The following DEPDC7 variants were observed in gnomAD, a reference collection of about 807,000 sequenced individuals.
DEPDC7 encodes DEP domain containing 7.
DEPDC7 carries 41 observed loss-of-function variants against 56.6 expected under a neutral mutation model. That is an observed-to-expected ratio of 0.72 (90% CI 0.56 to 0.94). The LOEUF (loss-of-function observed/expected upper bound fraction) is 0.94. DEPDC7 is among the 40% of genes least tolerant of loss of function. The pLI, the probability that DEPDC7 is intolerant of heterozygous loss-of-function variation, is 0.00. For missense variants in DEPDC7, 522 were observed against 596.3 expected (o/e 0.88, Z 1.30); for synonymous variants, 185 against 208.8 (o/e 0.89, Z 0.98).
chr11:33,028,811 A>C lies in DEPDC7; in HGVS notation c.782+19A>C, dbSNP rs1186130033. The stretch of plus-strand genomic sequence containing the variant: ...ACTCTCAGTATGTGGAAATACATAT[A>C]ATAATTTGAGTGTGTTTGTAGGTAG... On this transcript the variant is annotated intron_variant, in intron 4 of 8. Coordinates refer to ENST00000241051, the MANE Select transcript of DEPDC7 (RefSeq NM_001077242.2). The C allele has an allele frequency of 3.2e-6, 5 of 1,562,734 alleles. No homozygotes were observed. The highest frequency in any genetic ancestry group is 4.3e-6 in the Non-Finnish European group (5 of 1,154,126).
chr11:33,032,234 T>C, intron 5 of DEPDC7, 102 bp from the exon 6 acceptor site: 1 of 1,065,562 alleles, frequency 9.4e-7, no homozygotes, highest in Non-Finnish European at 1.3e-6. Flanking sequence ...GAAATAATTT[T>C]GAATAAGTGC....
At chr11:33,016,553 G>A in intron 1 of DEPDC7, 1 of 1,614,208 alleles carries the variant, frequency 6.2e-7, no homozygotes, top group Non-Finnish European at 8.5e-7. Context: ...AGAGGTTTAT[G>A]TGAGTTCTAC....
rs982344544 is a variant in DEPDC7, at chr11:33,016,414, C to T, written c.73+386C>T. On this transcript the variant is annotated intron_variant, in intron 1 of 8. Coordinates refer to ENST00000241051, the MANE Select transcript of DEPDC7 (RefSeq NM_001077242.2). ...TGGAATTTGTGTAGTTCTTTGCCCC[C>T]TGTCTCAACCACAAACCTTGACGAC... The T allele has an allele frequency of 6.5e-6, 10 of 1,531,100 alleles. No homozygotes were observed. The African/African-American group carries it at 9.7e-5, about 15-fold the overall frequency. The allele number at this position is 1,531,100 out of a possible 1,614,324, so 94.8% of individuals were successfully genotyped here. A position where few individuals can be genotyped will look rare whatever the true frequency, so the allele number is the denominator to read the frequency against.
chr11:33,028,694 G>A lies in DEPDC7; in HGVS notation c.684G>A (p.Glu228=). 3 of 1,613,766 alleles carry A rather than the reference G, an allele frequency of 1.9e-6. No homozygotes were observed. Among genetic ancestry groups the A allele is most frequent in the Non-Finnish European group, 2.5e-6 (3 of 1,179,786 alleles). ...TTGACTCCTTACTGAAACAGCAAGA[G>A]GCTGTACCTAAAATTCCTCAACCTA... ...PLLDSLLKQQ[E]AVPKIPQPKR... is the part of the protein sequence containing the mutation. The change falls in exon 4 of 9, where the codon GAG becomes GAA. Residue 228 remains glutamate (E), a synonymous_variant. Coordinates refer to ENST00000241051, the MANE Select transcript of DEPDC7 (RefSeq NM_001077242.2).
Position 33,026,007 on chromosome 11 carries a change from ACAGTCAGTTAGG to A in DEPDC7, c.425_436del (p.Ser142_Gly145del), listed in dbSNP as rs756567724. 1.9e-6 allele frequency: 3 copies of A among 1,614,058 alleles called. No individual in the cohort carries two copies. In the South Asian group the frequency reaches 3.3e-5, roughly 18 times the overall value. On this transcript the variant is annotated inframe_deletion, in exon 2 of 9. Transcript: ENST00000241051. Reference sequence around the variant, plus strand: ...AGATTCACCACAATACCTAACCAAGACAGTCAGTTAGGCAAAGAGAACAAACTATATTCACCT... The same window carrying A: ...AGATTCACCACAATACCTAACCAAGACAAAGAGAACAAACTATATTCACCT...
At chr11:33,016,969 CACCAACCAGTGAAACTGTGATTCCTT>C (rs1490113840) in intron 1 of DEPDC7, among the ~76,000 whole-genome samples, 3 of 152,196 alleles carry the variant, frequency 2.0e-5, no homozygotes, top group African/African-American at 7.2e-5. Context: ...TTTGTAAAAA[CACCAACCAGTGAAACTGTGATTCCTT>C]CCTCTGGGTC....
At position 33,025,801 on chromosome 11, in the gene DEPDC7, G is replaced by T. The variant is rs1163532225; in HGVS notation, c.216G>T (p.Val72=). ...ACTGCTTTGTTGGTTCAGAAGCTGTGGATGTCATTTTTTCTCACCTAATTC... is the reference window on the plus strand; with the variant it reads ...ACTGCTTTGTTGGTTCAGAAGCTGTTGATGTCATTTTTTCTCACCTAATTC... The part of the protein sequence containing the change: ...HNDCFVGSEA[V]DVIFSHLIQN... Residue 72 remains valine (V), a synonymous_variant, in exon 2 of 9, where the codon GTG becomes GTT. Coordinates refer to ENST00000241051, the MANE Select transcript of DEPDC7 (RefSeq NM_001077242.2). 1 of 1,614,148 alleles carries T rather than the reference G, an allele frequency of 6.2e-7. No homozygotes were observed. The highest frequency in any genetic ancestry group is 1.7e-5 in the Admixed American group (1 of 60,008).
chr11:33,024,692 G>C (rs1853558956), intron 1 of DEPDC7, among the ~76,000 whole-genome samples: 1 of 151,970 alleles, frequency 6.6e-6, no homozygotes, highest in Admixed American at 6.6e-5. Flanking sequence ...ACATAGAAAA[G>C]GTACAGCAAG....
Position 33,028,669 on chromosome 11 carries a change from T to C in DEPDC7, c.659T>C (p.Leu220Pro). Residue 220 changes from leucine to proline, a missense_variant, in exon 4 of 9, where the codon CTT (leucine) becomes CCT (proline). Coordinates refer to ENST00000241051, the MANE Select transcript of DEPDC7 (RefSeq NM_001077242.2). ...CTACAACTTGTAGACCTTCCACTTC[T>C]TGACTCCTTACTGAAACAGCAAGAG... ...RLLQLVDLPL[L>P]DSLLKQQEAV... is the part of the protein sequence containing the mutation. 6.2e-7 allele frequency: 1 copy of C among 1,613,870 alleles called. No homozygotes were observed. Among genetic ancestry groups the C allele is most frequent in the Non-Finnish European group, 8.5e-7 (1 of 1,179,946 alleles).
intron 8 of DEPDC7, 70 bp downstream of exon 8, chr11:33,033,037 C>T (rs527281856): frequency 3.1e-6 from 4 of 1,283,936 alleles, no homozygotes; most frequent in South Asian, 2.8e-5. Context: ...AAATGTTTTG[C>T]TATAAGTAGT....
chr11:33,026,783 C>CTTTTCTTTTA (rs1853582960), intron 2 of DEPDC7: 1 of 49,764 alleles, frequency 2.0e-5, no homozygotes, highest in African/African-American at 8.2e-5. Context: ...TTTTTCTTTT[C>CTTTTCTTTTA]TTTTCTTTTC....
Position 33,028,689 on chromosome 11 carries a change from C to A in DEPDC7, c.679C>A (p.Gln227Lys). The A allele has an allele frequency of 6.2e-7, 1 of 1,613,892 alleles. No individual in the cohort carries two copies. The highest frequency in any genetic ancestry group is 1.7e-5 in the Admixed American group (1 of 59,956). ...ACTTCTTGACTCCTTACTGAAACAG[C>A]AAGAGGCTGTACCTAAAATTCCTCA... is the stretch of plus-strand genomic sequence containing the variant. ...LPLLDSLLKQ[Q>K]EAVPKIPQPK... is the part of the protein sequence containing the mutation. Residue 227 changes from glutamine to lysine, a missense_variant, in exon 4 of 9, where the codon CAA becomes AAA. Gln to Lys is a moderately conservative substitution (Grantham distance 53, BLOSUM62 1). Transcript: ENST00000241051.
At chr11:33,026,262 C>T in intron 2 of DEPDC7, 1 of 576,580 alleles carries the variant, frequency 1.7e-6, no homozygotes, top group Non-Finnish European at 3.1e-6. Context: ...AGTCAACACA[C>T]TTTGATTTTC....
chr11:33,020,755 G>A (rs1853515578), intron 1 of DEPDC7, among the ~76,000 whole-genome samples: 1 of 152,152 alleles, frequency 6.6e-6, no homozygotes, highest in Non-Finnish European at 1.5e-5. Flanking sequence ...TTCCCGCCAT[G>A]GCCTCCCAAA....
chr11:33,028,917 G>A, intron 4 of DEPDC7, 125 bp downstream of exon 4: 1 of 581,098 alleles, frequency 1.7e-6, no homozygotes. Context: ...GATATTATCA[G>A]TATTTGAGAA....
At chr11:33,021,729 G>A (rs1284047057) in intron 1 of DEPDC7, among the ~76,000 whole-genome samples, 6 of 151,892 alleles carry the variant, frequency 4.0e-5, no homozygotes, top group Non-Finnish European at 8.8e-5. Flanking sequence ...AGTGAGAACA[G>A]AGGGGACCTG....
chr11:33,024,517 T>C (rs931083800), intron 1 of DEPDC7, among the ~76,000 whole-genome samples: 1 of 140,794 alleles, frequency 7.1e-6, no homozygotes, highest in Non-Finnish European at 1.6e-5. Context: ...GTGATTTCAT[T>C]GTTGTGCAAA....
At chr11:33,022,701 A>G (rs1169765742) in intron 1 of DEPDC7, among the ~76,000 whole-genome samples, 1 of 152,052 alleles carries the variant, frequency 6.6e-6, no homozygotes, top group East Asian at 1.9e-4. Context: ...TAGTACAACT[A>G]CTCCTGAGTT....
intron 1 of DEPDC7, among the ~76,000 whole-genome samples, chr11:33,022,851 A>G (rs1033407972): frequency 3.9e-5 from 6 of 152,218 alleles, no homozygotes; most frequent in Non-Finnish European, 8.8e-5. Flanking sequence ...TCCATAATTC[A>G]GTTCCTGAAA....
Sources: gnomAD v4.1 joint callset for allele counts (sites outside exome capture counted in the v4.1 genomes callset) on GRCh38, gnomAD v4.1.1 for gene constraint, MANE v1.5 for transcripts, NCBI Gene and HGNC (gene_info 2026-07-23, HGNC 2026-07-21) for gene names.